The following PTPRQ variants were observed in gnomAD, a reference collection of about 807,000 sequenced individuals.
PTPRQ encodes the protein phosphatidylinositol phosphatase PTPRQ.
Under a neutral mutation model 246.0 loss-of-function variants are expected in PTPRQ, and 199 were observed. That is an observed-to-expected ratio of 0.81 (90% confidence interval 0.72 to 0.91). PTPRQ has a LOEUF of 0.91. Ranked by LOEUF, PTPRQ falls within the 40% of genes least tolerant of loss-of-function variation. PTPRQ has a pLI of 0.00. For synonymous variants in PTPRQ, 869 were observed against 853.2 expected, an observed-to-expected ratio of 1.02 and a Z score of -0.32; for missense variants, 2,624 against 2,528.4, an observed-to-expected ratio of 1.04 and a Z score of -0.81.
intron 9 of PTPRQ, among the ~76,000 whole-genome samples, chr12:80,488,801 C>T (rs1294637741): frequency 6.6e-6 from 1 of 151,776 alleles, no homozygotes; most frequent in Admixed American, 6.6e-5. Context: ...CTATTTGTTT[C>T]TGAATAAATA....
intron 17 of PTPRQ, among the ~76,000 whole-genome samples, chr12:80,523,852 G>T (rs184134005): frequency 2.6e-5 from 4 of 152,172 alleles, no homozygotes; most frequent in African/African-American, 7.2e-5. Flanking sequence ...TTGATTTGGG[G>T]TGGAGAGTTC....
intron 26 of PTPRQ, among the ~76,000 whole-genome samples, chr12:80,589,328 C>G (rs1298088791): frequency 6.6e-6 from 1 of 152,160 alleles, no homozygotes; most frequent in Non-Finnish European, 1.5e-5. Flanking sequence ...TCTGCCCCAG[C>G]CCTCCAGAGC....
Position 80,578,640 on chromosome 12 carries a change from G to A in PTPRQ, c.4286-9489G>A, listed in dbSNP as rs575439857. The stretch of plus-strand genomic sequence containing the variant: ...GATCTCGTGACCTCGTGATCCGCCC[G>A]CCTTGGCCTCCCAAAGTGCTGGGAT... On this transcript the variant is annotated intron_variant, in intron 25 of 44. Transcript: ENST00000644991. Among the ~76,000 whole-genome samples the A allele has an allele frequency of 2.1e-3, 324 of 152,142 alleles. 3 individuals carry two copies. Among genetic ancestry groups the A allele is most frequent in the African/African-American group, 7.4e-3 (307 of 41,514 alleles).
chr12:80,549,744 G>A lies in PTPRQ; in HGVS notation c.4285+10G>A, dbSNP rs778897899. 27 of 1,363,998 alleles carry A rather than the reference G, an allele frequency of 2.0e-5. No homozygotes were observed. Among genetic ancestry groups the A allele is most frequent in the East Asian group, 4.9e-5 (2 of 40,650 alleles). The allele number at this position is 1,363,998 out of a possible 1,614,324, so 84.5% of individuals were successfully genotyped here. On this transcript the variant is annotated intron_variant, in intron 25 of 44. Coordinates refer to ENST00000644991, the MANE Select transcript of PTPRQ (RefSeq NM_001145026.2). ...ACACTACCTGAAACAGGTAACTAAC[G>A]TGAAACAGGTAACTAACATGAAACC...
intron 3 of PTPRQ, among the ~76,000 whole-genome samples, chr12:80,446,862 T>C (rs1254639393): frequency 6.6e-6 from 1 of 152,042 alleles, no homozygotes; most frequent in Non-Finnish European, 1.5e-5. Flanking sequence ...CTATTGTGAA[T>C]AATGCTGTAA....
rs567828828 is a variant in PTPRQ, at chr12:80,460,556, T to C, written c.661-97T>C. 1.0e-5 allele frequency: 4 copies of C among 396,654 alleles called. No individual in the cohort carries two copies. The South Asian group carries it at 4.2e-4, about 42-fold the overall frequency. The allele number at this position is 396,654 out of a possible 1,614,324, so 24.6% of individuals were successfully genotyped here. On this transcript the variant is annotated intron_variant, in intron 5 of 44. Coordinates refer to ENST00000644991, the MANE Select transcript of PTPRQ (RefSeq NM_001145026.2). ...CTTTTGCATGTTATGTGTGTATGTATAGCATAAAAGAAAAAGAAATGAATT... is the reference window on the plus strand; with the variant it reads ...CTTTTGCATGTTATGTGTGTATGTACAGCATAAAAGAAAAAGAAATGAATT...
intron 37 of PTPRQ, among the ~76,000 whole-genome samples, chr12:80,650,682 C>T (rs192234316): frequency 4.0e-3 from 610 of 152,056 alleles, no homozygotes; most frequent in Non-Finnish European, 6.0e-3. Context: ...TTAACAAAAT[C>T]AATAGTGCCA....
chr12:80,456,060 T>C (rs1472936140), intron 3 of PTPRQ, among the ~76,000 whole-genome samples: 1 of 152,188 alleles, frequency 6.6e-6, no homozygotes, highest in Non-Finnish European at 1.5e-5. Flanking sequence ...AAAGATATCT[T>C]CTGGATCCTC....
chr12:80,669,447 G>A lies in PTPRQ; in HGVS notation c.6436G>A (p.Asp2146Asn), dbSNP rs1426091690. The A allele has an allele frequency of 2.6e-6, 4 of 1,543,858 alleles. No individual in the cohort carries two copies. Among genetic ancestry groups the A allele is most frequent in the South Asian group, 1.2e-5 (1 of 82,294 alleles). ...TGTTCAAATAGATTGGACTATCAGG[G>A]ATCTGAAAATTGAAAGGGTAAAAAA... ...EDVQIDWTIR[D>N]LKIERHGDCM... Residue 2146 changes from aspartate to asparagine, a missense_variant, in exon 41 of 45, where the codon GAT (aspartate) becomes AAT (asparagine). Transcript: ENST00000644991.
chr12:80,455,935 T>G (rs1892968403), intron 3 of PTPRQ, among the ~76,000 whole-genome samples: 1 of 152,082 alleles, frequency 6.6e-6, no homozygotes, highest in Non-Finnish European at 1.5e-5. Context: ...TTTAACATCA[T>G]CTCATTTGAA....
chr12:80,496,014 C>A lies in PTPRQ; in HGVS notation c.1898C>A (p.Thr633Lys), dbSNP rs1386158373. 1 of 1,549,650 alleles carries A rather than the reference C, an allele frequency of 6.5e-7. No homozygotes were observed. Reference sequence around the variant, plus strand: ...GTCCTTATAGGGTTAAAGAAATACACAAAATACAAAATGAGAGTGGCAGCC... The same window carrying A: ...GTCCTTATAGGGTTAAAGAAATACAAAAAATACAAAATGAGAGTGGCAGCC... ...SFLITGLKKY[T>K]KYKMRVAAST... The change falls in exon 13 of 45, where the codon ACA (threonine) becomes AAA (lysine). Residue 633 changes from threonine to lysine, a missense_variant. Coordinates refer to ENST00000644991, the MANE Select transcript of PTPRQ (RefSeq NM_001145026.2).
At chr12:80,481,748 C>G (rs1431638805) in intron 8 of PTPRQ, among the ~76,000 whole-genome samples, 1 of 151,922 alleles carries the variant, frequency 6.6e-6, no homozygotes, top group Non-Finnish European at 1.5e-5. Context: ...AACAGAGAGC[C>G]AAATCATGAG....
At chr12:80,662,200 C>T (rs533238354) in intron 39 of PTPRQ, among the ~76,000 whole-genome samples, 1 of 151,912 alleles carries the variant, frequency 6.6e-6, no homozygotes, top group Non-Finnish European at 1.5e-5. Context: ...ATTGGTCTGA[C>T]CTTCTCCATC....
chr12:80,642,885 A>G (rs1899920085), intron 35 of PTPRQ, among the ~76,000 whole-genome samples: 1 of 133,438 alleles, frequency 7.5e-6, no homozygotes, highest in Non-Finnish European at 1.5e-5. Flanking sequence ...CCGCCACTGC[A>G]CTCCAGCCTG....
chr12:80,648,501 G>A (rs1008368988), intron 35 of PTPRQ, among the ~76,000 whole-genome samples: 1 of 152,012 alleles, frequency 6.6e-6, no homozygotes, highest in East Asian at 1.9e-4. Flanking sequence ...GATTCATTCT[G>A]TCTGGTTCAA....
rs1053725508 is a variant in PTPRQ at position 80,494,822 on chromosome 12, T to A, written c.1541-111T>A. 80 of 1,132,968 alleles carry A rather than the reference T, an allele frequency of 7.1e-5. No individual in the cohort carries two copies. The Middle Eastern group carries it at 1.2e-3, about 17-fold the overall frequency. The allele number at this position is 1,132,968 out of a possible 1,614,324, so 70.2% of individuals were successfully genotyped here. A position where few individuals can be genotyped will look rare whatever the true frequency, so the allele number is the denominator to read the frequency against. ...TTTAATAGAGGTGTGCATGGAGAGATTAATGAATACGGAGAAATCAGGTTT... is the reference window on the plus strand; with the variant it reads ...TTTAATAGAGGTGTGCATGGAGAGAATAATGAATACGGAGAAATCAGGTTT... On this transcript the variant is annotated intron_variant, in intron 10 of 44. Coordinates refer to ENST00000644991, the MANE Select transcript of PTPRQ (RefSeq NM_001145026.2).
intron 8 of PTPRQ, among the ~76,000 whole-genome samples, chr12:80,478,563 C>A (rs909099321): frequency 3.5e-4 from 54 of 152,124 alleles, no homozygotes; most frequent in Non-Finnish European, 4.4e-5. Context: ...AAGCTTCAGA[C>A]GATCAAATTA....
chr12:80,523,626 A>G (rs1000548957), intron 17 of PTPRQ, among the ~76,000 whole-genome samples: 7 of 152,292 alleles, frequency 4.6e-5, no homozygotes, highest in African/African-American at 1.7e-4. Flanking sequence ...TTATGTACCC[A>G]GTAGTCATTC....
intron 33 of PTPRQ, among the ~76,000 whole-genome samples, chr12:80,624,217 G>A (rs146299268): frequency 4.7e-4 from 72 of 152,152 alleles, no homozygotes; most frequent in Non-Finnish European, 9.1e-4. Context: ...AAGGAAGGAG[G>A]GACTGGTGAA....
Sources: allele counts gnomAD v4.1 joint callset (sites outside exome capture counted in the v4.1 genomes callset), GRCh38; gene constraint gnomAD v4.1.1; transcripts MANE v1.5; gene names NCBI Gene and HGNC (gene_info 2026-07-23, HGNC 2026-07-21).